Variants in HNMT observed in about 807,000 individuals in gnomAD.
The protein encoded by HNMT is histamine N-methyltransferase.
A neutral mutation model predicts 32.1 loss-of-function variants in HNMT; 30 were observed. The observed-to-expected ratio is 0.93, with a 90% confidence interval of 0.70 to 1.27. The LOEUF (loss-of-function observed/expected upper bound fraction) is 1.27, where lower values mean the gene tolerates loss of function less well. Ranked by LOEUF, HNMT falls within the 50% of genes most tolerant of loss-of-function variation. HNMT has a pLI of 0.00. For missense variants in HNMT, 327 were observed against 346.0 expected (o/e 0.95, Z 0.43); for synonymous variants, 125 against 119.0 (o/e 1.05, Z -0.33).
chr2:138,002,119 G>A lies in HNMT; in HGVS notation c.354G>A (p.Glu118=), dbSNP rs200508858. ...ACGTAAAGTTTGCTTGGCATAAGGAGACATCATCTGAATACCAAAGTAGAA... is the reference window on the plus strand; with the variant it reads ...ACGTAAAGTTTGCTTGGCATAAGGAAACATCATCTGAATACCAAAGTAGAA... ...LENVKFAWHK[E]TSSEYQSRML... Residue 118 remains glutamate (E), a synonymous_variant, in exon 4 of 6, where the codon GAG becomes GAA. Transcript: ENST00000280097. 9.5e-5 allele frequency: 152 copies of A among 1,603,566 alleles called. No individual in the cohort carries two copies. In the East Asian group the frequency reaches 2.9e-3, roughly 31 times the overall value.
chr2:137,967,809 A>G (rs1680004704), intron 1 of HNMT, among the ~76,000 whole-genome samples: 1 of 152,178 alleles, frequency 6.6e-6, no homozygotes. Flanking sequence ...AATGTTTTCT[A>G]TAGCATTCTT....
At chr2:137,972,315 A>G (rs1159096156) in intron 2 of HNMT, among the ~76,000 whole-genome samples, 17 of 152,130 alleles carry the variant, frequency 1.1e-4, no homozygotes. Context: ...CATGTTGGCC[A>G]GGCTAGTCTC....
rs1363759484 is a variant in HNMT, at chr2:138,014,074, A to G, written c.823A>G (p.Lys275Glu). 1 of 1,610,754 alleles carries G rather than the reference A, an allele frequency of 6.2e-7. No individual in the cohort carries two copies. The highest frequency in any genetic ancestry group is 8.5e-7 in the Non-Finnish European group (1 of 1,177,816). The change falls in exon 6 of 6, where the codon AAA (lysine) becomes GAA (glutamate). Residue 275 changes from lysine (K) to glutamate (E), a missense_variant. Coordinates refer to ENST00000280097, the MANE Select transcript of HNMT (RefSeq NM_006895.3). ...ACAAGAGCCTGAATTTAGTGCTAAG[A>G]AAGAGGGGAAGGTTCTTTTTAATAA... ...DLQEPEFSAK[K>E]EGKVLFNNTL...
chr2:137,976,881 A>G (rs1323190244), intron 2 of HNMT, among the ~76,000 whole-genome samples: 1 of 152,218 alleles, frequency 6.6e-6, no homozygotes, highest in Non-Finnish European at 1.5e-5. Flanking sequence ...ATTGTTAAAG[A>G]CAGATAAGTT....
intron 2 of HNMT, among the ~76,000 whole-genome samples, chr2:137,972,299 T>G (rs1341169533): frequency 6.6e-6 from 1 of 152,032 alleles, no homozygotes; most frequent in Non-Finnish European, 1.5e-5. Flanking sequence ...TAGAGAAGGG[T>G]TTCACCATGT....
intron 1 of HNMT, 145 bp downstream of exon 1, chr2:137,964,773 T>A (rs985499153): frequency 2.8e-6 from 2 of 723,096 alleles, no homozygotes; most frequent in Non-Finnish European, 4.7e-6. Flanking sequence ...CCCTCCTCGC[T>A]GCCCTGCCCT....
At position 138,015,947 on chromosome 2, in the gene HNMT, T is replaced by C. The variant is rs1681649282; in HGVS notation, c.*1817T>C. The C allele has an allele frequency of 6.6e-6, 1 of 152,154 alleles. No individual in the cohort carries two copies. The highest frequency in any genetic ancestry group is 1.5e-5 in the Non-Finnish European group (1 of 68,010). The allele number at this position is 152,154 out of a possible 1,614,324, so 9.4% of individuals were successfully genotyped here. A position where few individuals can be genotyped will look rare whatever the true frequency, so the allele number is the denominator to read the frequency against. On this transcript the variant is annotated 3_prime_UTR_variant, in exon 6 of 6. Transcript: ENST00000280097. ...CAAGGATAAATAAATTCTCACCTGC[T>C]TAATTTTAGTGCAATTGAAACACAT...
At chr2:137,966,683 T>C (rs1214801806) in intron 1 of HNMT, among the ~76,000 whole-genome samples, 1 of 152,204 alleles carries the variant, frequency 6.6e-6, no homozygotes, top group East Asian at 1.9e-4. Flanking sequence ...CAAGCAGATA[T>C]ATTAATCTCC....
At chr2:138,001,360 T>C (rs1681164761) in intron 3 of HNMT, among the ~76,000 whole-genome samples, 1 of 152,180 alleles carries the variant, frequency 6.6e-6, no homozygotes, top group Non-Finnish European at 1.5e-5. Flanking sequence ...CAGTAAAAGT[T>C]CACAAACTTT....
chr2:137,987,004 A>C (rs1251201066), intron 2 of HNMT, among the ~76,000 whole-genome samples: 1 of 152,210 alleles, frequency 6.6e-6, no homozygotes, highest in Non-Finnish European at 1.5e-5. Context: ...ACAGAAGGGG[A>C]GAAAAGAAAA....
chr2:137,966,351 T>G (rs1347934106), intron 1 of HNMT, among the ~76,000 whole-genome samples: 1 of 152,210 alleles, frequency 6.6e-6, no homozygotes, highest in East Asian at 1.9e-4. Context: ...TTGAAATCTT[T>G]TAGTTATTTA....
At chr2:137,999,115 A>T (rs1391645826) in intron 2 of HNMT, among the ~76,000 whole-genome samples, 2 of 152,314 alleles carry the variant, frequency 1.3e-5, no homozygotes, top group Non-Finnish European at 1.5e-5. Flanking sequence ...ATTTAGACAA[A>T]TGTGACTTAA....
intron 2 of HNMT, among the ~76,000 whole-genome samples, chr2:137,993,910 C>A (rs919498201): frequency 3.3e-5 from 5 of 152,068 alleles, no homozygotes; most frequent in African/African-American, 1.2e-4. Context: ...AATTTCATAT[C>A]CAGCCAAACT....
At chr2:137,970,975 A>G (rs1258697129) in intron 2 of HNMT, among the ~76,000 whole-genome samples, 1 of 150,124 alleles carries the variant, frequency 6.7e-6, no homozygotes, top group Non-Finnish European at 1.5e-5. Context: ...GAAAGAAAAA[A>G]GAAATGTGCA....
chr2:138,012,381 T>C (rs4954940), intron 5 of HNMT, among the ~76,000 whole-genome samples: 32,408 of 151,966 alleles, frequency 0.21, 3,752 homozygotes, highest in South Asian at 0.3. Flanking sequence ...CTCTGCAGGG[T>C]TAGAATTTCA....
At chr2:137,979,683 T>C (rs1680426410) in intron 2 of HNMT, among the ~76,000 whole-genome samples, 1 of 152,116 alleles carries the variant, frequency 6.6e-6, no homozygotes, top group African/African-American at 2.4e-5. Flanking sequence ...TATTCATAGT[T>C]TAACACTCAA....
At position 137,973,596 on chromosome 2, in the gene HNMT, A is replaced by C. The variant is rs78234374; in HGVS notation, c.190+3379A>C. ...TTAGTTTACAGGTTTTATTACCTCA[A>C]GTTTCTTTCCTTGTTTGCACAGATA... On this transcript the variant is annotated intron_variant, in intron 2 of 5. Coordinates refer to ENST00000280097, the MANE Select transcript of HNMT (RefSeq NM_006895.3). Among the ~76,000 whole-genome samples the C allele has an allele frequency of 8.2e-3, 1,251 of 152,292 alleles. 14 individuals are homozygous for C. The highest frequency in any genetic ancestry group is 0.027 in the African/African-American group (1,129 of 41,562).
intron 3 of HNMT, among the ~76,000 whole-genome samples, chr2:138,001,329 G>A (rs958096596): frequency 6.6e-6 from 1 of 152,146 alleles, no homozygotes; most frequent in South Asian, 2.1e-4. Context: ...CAACCTTAAA[G>A]AGCTTATGTT....
intron 3 of HNMT, 25 bp from the exon 4 acceptor site, chr2:138,002,039 G>A: frequency 2.0e-6 from 3 of 1,494,006 alleles, no homozygotes; most frequent in Non-Finnish European, 2.7e-6. Context: ...AATTGATGGT[G>A]TGTCACCTCT....
Sources: gnomAD v4.1 joint callset for allele counts (sites outside exome capture counted in the v4.1 genomes callset) on GRCh38, gnomAD v4.1.1 for gene constraint, MANE v1.5 for transcripts, NCBI Gene and HGNC (gene_info 2026-07-23, HGNC 2026-07-21) for gene names.